ZNF717: variants seen among roughly 807,000 people sequenced by gnomAD.
ZNF717 encodes krueppel-like factor X17.
Under a neutral mutation model 13.8 loss-of-function variants are expected in ZNF717, and 9 were observed. The observed-to-expected ratio is 0.65, with a 90% CI of 0.39 to 1.14. The LOEUF is 1.14. Among genes scored for constraint, ZNF717 ranks in the 50% most tolerant of loss-of-function variants. The probability of loss-of-function intolerance (pLI) is 0.01; values close to 1 mark genes in which losing one functional copy is unlikely to be tolerated. For missense variants in ZNF717, 1,040 were observed against 1,080.7 expected (o/e 0.96, Z 0.53); for synonymous variants, 327 against 364.1 (o/e 0.90, Z 1.16).
At chr3:75,740,578 T>G (rs1575778902) in intron 4 of ZNF717, among the ~76,000 whole-genome samples, 1 of 151,456 alleles carries the variant, frequency 6.6e-6, no homozygotes, top group African/African-American at 2.4e-5. Context: ...CTATTTTTTT[T>G]TTTTTTTTTT....
At chr3:75,713,210 G>A (rs1474535554) in intron 5 of ZNF717, among the ~76,000 whole-genome samples, 1 of 151,982 alleles carries the variant, frequency 6.6e-6, no homozygotes, top group African/African-American at 2.4e-5. Flanking sequence ...GAGTGCAGTG[G>A]CACAATCACA....
intron 2 of ZNF717, among the ~76,000 whole-genome samples, chr3:75,745,027 T>C (rs1460504507): frequency 6.6e-5 from 10 of 152,188 alleles, no homozygotes; most frequent in African/African-American, 2.4e-4. Flanking sequence ...GTCTGTGTGT[T>C]TGTCCCTCAC....
chr3:75,735,200 CAT>C (rs1259581803), downstream of ZNF717, among the ~76,000 whole-genome samples: 1 of 149,060 alleles, frequency 6.7e-6, no homozygotes, highest in Non-Finnish European at 1.5e-5. Context: ...TAACACAAGA[CAT>C]AGGAATATGA....
chr3:75,708,409 G>T (rs1379843733), downstream of ZNF717, among the ~76,000 whole-genome samples: 1 of 151,978 alleles, frequency 6.6e-6, no homozygotes, highest in Non-Finnish European at 1.5e-5. Context: ...TGAGAGTCCT[G>T]CCTGTTAGAA....
chr3:75,773,919 C>T (rs983353202), intron 2 of ZNF717, among the ~76,000 whole-genome samples: 6 of 152,168 alleles, frequency 3.9e-5, no homozygotes, highest in Non-Finnish European at 8.8e-5. Context: ...CATGGTGGTG[C>T]ATGCCTCTAA....
At chr3:75,712,450 AT>A (rs1462955223) in intron 5 of ZNF717, among the ~76,000 whole-genome samples, 42 of 152,210 alleles carry the variant, frequency 2.8e-4, no homozygotes, top group African/African-American at 9.6e-4. Context: ...GACTTTTCTA[AT>A]TTTATTTAGA....
chr3:75,729,685 C>T (rs1221193653), downstream of ZNF717, among the ~76,000 whole-genome samples: 9 of 147,108 alleles, frequency 6.1e-5, no homozygotes, highest in Non-Finnish European at 1.3e-4. Context: ...AACAGAAACA[C>T]TTTAAAGATC....
chr3:75,740,959 T>TA (rs113150029), intron 4 of ZNF717, among the ~76,000 whole-genome samples: 97,978 of 139,476 alleles, frequency 0.7, 30,326 homozygotes, highest in East Asian at 0.77. Flanking sequence ...CATGAATGTC[T>TA]AAAAAAATTT....
chr3:75,703,311 G>A (rs1158249916), intron 6 of ZNF717, among the ~76,000 whole-genome samples: 2 of 152,308 alleles, frequency 1.3e-5, no homozygotes, highest in African/African-American at 2.4e-5. Context: ...TGGGCAGATC[G>A]CTTGTTTTCA....
chr3:75,733,098 T>C (rs1575737849), downstream of ZNF717, among the ~76,000 whole-genome samples: 3 of 152,178 alleles, frequency 2.0e-5, no homozygotes, highest in Non-Finnish European at 2.9e-5. Context: ...AGAATGTCTT[T>C]GATTGGCTTA....
At chr3:75,718,126 T>C (rs1056237137) in intron 4 of ZNF717, among the ~76,000 whole-genome samples, 5 of 152,158 alleles carry the variant, frequency 3.3e-5, no homozygotes, top group Non-Finnish European at 5.9e-5. Context: ...ACGTCGAACA[T>C]GGACCTCAGA....
Position 75,737,409 on chromosome 3 carries a change from T to A in ZNF717, c.2214A>T (p.Lys738Asn). Residue 738 changes from lysine (K) to asparagine (N), a missense_variant, in exon 5 of 5, where the codon AAA becomes AAT. Physicochemically the swap from Lys to Asn is moderately conservative, Grantham distance 94. This residue lies in a region of ZNF717 where 873 missense variants were observed against 832.8 expected (regional missense o/e 1.05). Transcript: ENST00000652011. ...RNPMNVANVE[K>N]PCQKSVLTVH... Reference sequence around the variant, plus strand: ...CAGTGAGGACTGACTTCTGACAAGGTTTTTCCACATTTGCTACATTCATAG... The same window carrying A: ...CAGTGAGGACTGACTTCTGACAAGGATTTTCCACATTTGCTACATTCATAG... The A allele has an allele frequency of 3.9e-6, 6 of 1,553,628 alleles. No homozygotes were observed. The highest frequency in any genetic ancestry group is 5.2e-6 in the Non-Finnish European group (6 of 1,148,204).
intron 4 of ZNF717, among the ~76,000 whole-genome samples, chr3:75,722,985 C>T (rs77243151): frequency 6.7e-6 from 1 of 149,930 alleles, no homozygotes; most frequent in Non-Finnish European, 1.5e-5. Context: ...GCTCTTTTAC[C>T]GATCATGATT....
intron 2 of ZNF717, among the ~76,000 whole-genome samples, chr3:75,770,489 G>A (rs773778334): frequency 3.3e-5 from 5 of 152,290 alleles, no homozygotes; most frequent in Middle Eastern, 3.4e-3. Flanking sequence ...GAACCTGGGA[G>A]GTGGAGGCTG....
chr3:75,761,736 AATAAAATTTTAAAAAC>A (rs1943035216), intron 2 of ZNF717, among the ~76,000 whole-genome samples: 1 of 152,244 alleles, frequency 6.6e-6, no homozygotes, highest in African/African-American at 2.4e-5. Context: ...ACAATCTGCA[AATAAAATTTTAAAAAC>A]AGAGGCCAGG....
intron 6 of ZNF717, among the ~76,000 whole-genome samples, chr3:75,697,023 C>T (rs896234368): frequency 6.6e-6 from 1 of 152,306 alleles, no homozygotes; most frequent in Non-Finnish European, 1.5e-5. Flanking sequence ...ATGGAATGAA[C>T]ATACCTCAAC....
At chr3:75,774,341 T>C (rs1403806669) in intron 2 of ZNF717, among the ~76,000 whole-genome samples, 1 of 152,156 alleles carries the variant, frequency 6.6e-6, no homozygotes, top group Non-Finnish European at 1.5e-5. Context: ...TTCTATTTCA[T>C]AACATCAAGT....
rs1940010079 is a variant in ZNF717 at position 75,739,220 on chromosome 3, TA to T, written c.402del (p.Phe134LeufsTer3). 6.4e-7 allele frequency: 1 copy of T among 1,550,608 alleles called. No homozygotes were observed. The highest frequency in any genetic ancestry group is 1.4e-5 in the African/African-American group (1 of 73,028). On this transcript the variant is annotated frameshift_variant, in exon 5 of 5. Coordinates refer to ENST00000652011, the MANE Select transcript of ZNF717 (RefSeq NM_001290208.3). LOFTEE classifies it low-confidence loss of function (END_TRUNC). ...TQERVELGKT[F>X]NLNSNHVLNL... ...TTTAAAACATGGTTTGAGTTCAAAT[TA>T]AATGTTTTTCCTAATTCAACTCTCT...
chr3:75,760,529 G>A (rs200533380), intron 2 of ZNF717, among the ~76,000 whole-genome samples: 2 of 152,302 alleles, frequency 1.3e-5, no homozygotes, highest in Non-Finnish European at 2.9e-5. Flanking sequence ...AACTCAGGAG[G>A]AGGCAACAAA....
Sources: allele counts gnomAD v4.1 joint callset (sites outside exome capture counted in the v4.1 genomes callset), GRCh38; gene constraint gnomAD v4.1.1; regional missense constraint gnomAD v4.1.1; transcripts MANE v1.5; gene names NCBI Gene and HGNC (gene_info 2026-07-23, HGNC 2026-07-21).